OR11A1: variants seen among roughly 807,000 people sequenced by gnomAD.
The protein encoded by OR11A1 is olfactory receptor family 11 subfamily A member 1.
For synonymous variants in OR11A1, 158 were observed against 152.2 expected (o/e 1.04, Z -0.28); for missense variants, 380 against 378.2 (o/e 1.00, Z -0.04).
At chr6:29,450,960 G>A (rs1254307119) in intron 1 of OR11A1, among the ~76,000 whole-genome samples, 3 of 152,122 alleles carry the variant, frequency 2.0e-5, no homozygotes, top group Non-Finnish European at 4.4e-5. Context: ...CCAACTTCAA[G>A]CTATACTACA....
At chr6:29,428,316 T>C (rs751745055) in intron 4 of OR11A1, 63 of 985,312 alleles carry the variant, frequency 6.4e-5, no homozygotes, top group Non-Finnish European at 7.5e-5. Flanking sequence ...ATGTGGTAAA[T>C]GGTAATAGGG....
chr6:29,426,549 C>T lies in OR11A1; in HGVS notation c.*145G>A, dbSNP rs995352709. On this transcript the variant is annotated 3_prime_UTR_variant, in exon 5 of 5. Coordinates refer to ENST00000377149, the MANE Select transcript of OR11A1 (RefSeq NM_001394828.1). ...TAAAATAAAAGTTAAAAAATTGTTG[C>T]CCTATCATTTTCATTTTTAGTATAA... is the stretch of plus-strand genomic sequence containing the variant. The T allele has an allele frequency of 3.3e-6, 2 of 610,232 alleles. No homozygotes were observed. Among genetic ancestry groups the T allele is most frequent in the Non-Finnish European group, 5.6e-6 (2 of 357,406 alleles). The allele number at this position is 610,232 out of a possible 1,614,324, so 37.8% of individuals were successfully genotyped here.
intron 1 of OR11A1, among the ~76,000 whole-genome samples, chr6:29,449,524 A>C (rs773875404): frequency 4.6e-5 from 7 of 152,232 alleles, no homozygotes; most frequent in Non-Finnish European, 1.0e-4. Context: ...GCTACGTCTC[A>C]CAAAAAAGTA....
At chr6:29,451,001 G>A (rs2151400702) in intron 1 of OR11A1, among the ~76,000 whole-genome samples, 1 of 152,306 alleles carries the variant, frequency 6.6e-6, no homozygotes, top group African/African-American at 2.4e-5. Flanking sequence ...GCATGGTACT[G>A]TTACAAACAC....
chr6:29,439,960 G>A (rs2151379477), intron 1 of OR11A1: 21 of 1,392,392 alleles, frequency 1.5e-5, no homozygotes, highest in Middle Eastern at 1.8e-4. Flanking sequence ...CGATTCCATA[G>A]TTGTGATTTT....
intron 1 of OR11A1, among the ~76,000 whole-genome samples, chr6:29,454,511 G>A (rs1316019370): frequency 6.6e-6 from 1 of 152,130 alleles, no homozygotes. Context: ...GTGTTGGCAA[G>A]AATATGTCAA....
At chr6:29,452,985 G>A (rs1785593301) in intron 1 of OR11A1, among the ~76,000 whole-genome samples, 1 of 151,416 alleles carries the variant, frequency 6.6e-6, no homozygotes, top group Non-Finnish European at 1.5e-5. Flanking sequence ...ACAAAGAATG[G>A]GAGGAATTAT....
rs1340201752 is a variant in OR11A1 at position 29,456,975 on chromosome 6, G to A, written c.-389+12C>T. ...TTTCTAAGATTTGGATGAAGCTGAA[G>A]GATTCACTTACAAGATGTCCCAGTC... On this transcript the variant is annotated intron_variant, in intron 1 of 4. Transcript: ENST00000377149. The A allele has an allele frequency of 6.6e-6, 1 of 152,156 alleles. No individual in the cohort carries two copies. Among genetic ancestry groups the A allele is most frequent in the South Asian group, 2.1e-4 (1 of 4,828 alleles). The allele number at this position is 152,156 out of a possible 1,614,324, so 9.4% of individuals were successfully genotyped here.
intron 1 of OR11A1, among the ~76,000 whole-genome samples, chr6:29,449,229 A>T (rs1785084587): frequency 6.6e-6 from 1 of 152,226 alleles, no homozygotes; most frequent in African/African-American, 2.4e-5. Context: ...TAAGTTTATC[A>T]GTTATAACAA....
Position 29,427,403 on chromosome 6 carries a change from A to G in OR11A1, c.239T>C (p.Met80Thr), listed in dbSNP as rs61978565. 0.014 allele frequency: 22,974 copies of G among 1,613,106 alleles called. 757 individuals carry two copies. The highest frequency in any genetic ancestry group is 0.13 in the African/African-American group (9,804 of 75,026). Residue 80 changes from methionine to threonine, a missense_variant, in exon 5 of 5, where the codon ATG becomes ACG. Transcript: ENST00000377149. ...CAGGAAGCCCTCCAGCATTTTTGGC[A>G]TCACTGCGGAGGTGTAGAGAATATC... ...FLDILYTSAV[M>T]PKMLEGFLQE...
rs180791424 is a variant in OR11A1 at position 29,427,636 on chromosome 6, T to G, written c.6A>C (p.Glu2Asp). The change falls in exon 5 of 5, where the codon GAA becomes GAC. Residue 2 changes from glutamate to aspartate, a missense_variant. Glu to Asp is a conservative substitution (Grantham distance 45). Transcript: ENST00000377149. M[E>D]IVSTGNETIT... ...TAGTTTCGTTTCCTGTGGAGACAAT[T>G]TCCATGTCGATCGTCCAAGTTTCTG... 389 of 1,602,772 alleles carry G rather than the reference T, an allele frequency of 2.4e-4. 3 individuals carry two copies. Among genetic ancestry groups the G allele is most frequent in the Non-Finnish European group, 1.3e-4 (155 of 1,174,114 alleles).
chr6:29,443,662 A>G (rs929427202), intron 1 of OR11A1, among the ~76,000 whole-genome samples: 1 of 152,222 alleles, frequency 6.6e-6, no homozygotes, highest in Non-Finnish European at 1.5e-5. Flanking sequence ...GGGTAAATAC[A>G]TAGATGTGAA....
At chr6:29,436,807 G>C (rs1471536109) in intron 1 of OR11A1, among the ~76,000 whole-genome samples, 1 of 152,232 alleles carries the variant, frequency 6.6e-6, no homozygotes, top group African/African-American at 2.4e-5. Flanking sequence ...TGCTCTGTCA[G>C]CTGTATCTTC....
intron 1 of OR11A1, among the ~76,000 whole-genome samples, chr6:29,445,364 G>A (rs58355492): frequency 0.051 from 7,709 of 152,238 alleles, 375 homozygotes; most frequent in African/African-American, 0.12. Context: ...GCATCAGGGA[G>A]GGAGGGTAGA....
At chr6:29,440,832 G>A (rs1476111432) in intron 1 of OR11A1, 2 of 1,613,796 alleles carry the variant, frequency 1.2e-6, no homozygotes, top group Non-Finnish European at 1.7e-6. Context: ...TGACCCTCTG[G>A]TGTCCCTCTT....
In OR11A1 at chr6:29,427,559, A is replaced by G. The variant is rs754600245; in HGVS notation, c.83T>C (p.Leu28Ser). ...GACAGCAGTGAATACAATAAAAAAC[A>G]AGAAATGCAGTTCAGGGATGTCATA... Reference protein sequence around the residue: ...GFYDIPELHFLFFIVFTAVYV... With the variant: ...GFYDIPELHFSFFIVFTAVYV... Residue 28 changes from leucine (L) to serine (S), a missense_variant, in exon 5 of 5, where the codon TTG becomes TCG. Coordinates refer to ENST00000377149, the MANE Select transcript of OR11A1 (RefSeq NM_001394828.1). 6.2e-7 allele frequency: 1 copy of G among 1,612,994 alleles called. No individual in the cohort carries two copies. Among genetic ancestry groups the G allele is most frequent in the Admixed American group, 1.7e-5 (1 of 60,008 alleles).
intron 1 of OR11A1, among the ~76,000 whole-genome samples, chr6:29,435,506 T>C (rs1783563232): frequency 6.6e-6 from 1 of 152,220 alleles, no homozygotes; most frequent in Non-Finnish European, 1.5e-5. Context: ...TCGAGCTCAG[T>C]GATGTTTTCT....
At chr6:29,449,667 C>T (rs1290610851) in intron 1 of OR11A1, among the ~76,000 whole-genome samples, 1 of 152,118 alleles carries the variant, frequency 6.6e-6, no homozygotes, top group Admixed American at 6.5e-5. Flanking sequence ...GATGGAGTCT[C>T]GCTCTGACTC....
chr6:29,455,749 G>A (rs1046901127), intron 1 of OR11A1, among the ~76,000 whole-genome samples: 27 of 151,610 alleles, frequency 1.8e-4, no homozygotes, highest in African/African-American at 5.3e-4. Context: ...GGCAGCATGC[G>A]CCTGTAATCC....
Sources: allele counts gnomAD v4.1 joint callset (sites outside exome capture counted in the v4.1 genomes callset), GRCh38; gene constraint gnomAD v4.1.1; transcripts MANE v1.5; gene names NCBI Gene and HGNC (gene_info 2026-07-23, HGNC 2026-07-21).